The following TENM4 variants were observed in gnomAD, a reference collection of about 807,000 sequenced individuals.
The protein encoded by TENM4 is teneurin-4.
In TENM4, 82 loss-of-function variants were observed where a neutral mutation model predicts 243.3. The observed-to-expected ratio is 0.34, with a 90% CI of 0.28 to 0.40. The LOEUF is 0.40. TENM4 is among the 10% of genes least tolerant of loss of function. The pLI is 1.00. For synonymous variants in TENM4, 1,412 were observed against 1,456.3 expected, an observed-to-expected ratio of 0.97 and a Z score of 0.69; for missense variants, 3,138 against 3,673.3, an observed-to-expected ratio of 0.85 and a Z score of 3.77.
At chr11:79,208,799 C>G (rs1863898851) in intron 3 of TENM4, among the ~76,000 whole-genome samples, 1 of 152,220 alleles carries the variant, frequency 6.6e-6, no homozygotes, top group Admixed American at 6.5e-5. Flanking sequence ...TTTCTGCATA[C>G]TTGGCTTTTC....
At chr11:78,796,960 C>A (rs748984286) in intron 15 of TENM4, among the ~76,000 whole-genome samples, 18 of 152,210 alleles carry the variant, frequency 1.2e-4, no homozygotes, top group Non-Finnish European at 2.5e-4. Context: ...AGCAATTGTT[C>A]TTTTTCTGAA....
At chr11:79,154,855 C>T (rs1591319604) in intron 3 of TENM4, among the ~76,000 whole-genome samples, 2 of 152,158 alleles carry the variant, frequency 1.3e-5, no homozygotes, top group East Asian at 3.9e-4. Context: ...TGTATGTTGT[C>T]CACCGGGGTG....
At chr11:79,076,017 C>G (rs1860527788) in intron 4 of TENM4, among the ~76,000 whole-genome samples, 1 of 152,168 alleles carries the variant, frequency 6.6e-6, no homozygotes, top group African/African-American at 2.4e-5. Context: ...AAAGTATAAA[C>G]TGCAGTTTTA....
intron 4 of TENM4, among the ~76,000 whole-genome samples, chr11:79,128,257 C>T (rs1861923650): frequency 6.6e-6 from 1 of 152,192 alleles, no homozygotes; most frequent in African/African-American, 2.4e-5. Flanking sequence ...AGAGACAGCT[C>T]TTGGCCTGTT....
At chr11:79,139,695 T>A (rs1265935408) in intron 4 of TENM4, among the ~76,000 whole-genome samples, 1 of 101,734 alleles carries the variant, frequency 9.8e-6, no homozygotes, top group Non-Finnish European at 1.7e-5. Flanking sequence ...ATATAAAATA[T>A]ATATAATATT....
At chr11:78,818,688 G>A (rs1857660138) in intron 12 of TENM4, among the ~76,000 whole-genome samples, 1 of 152,142 alleles carries the variant, frequency 6.6e-6, no homozygotes, top group African/African-American at 2.4e-5. Flanking sequence ...GATATTCTTT[G>A]GCTTGGGAAA....
intron 6 of TENM4, among the ~76,000 whole-genome samples, chr11:79,047,166 T>G (rs1434375082): frequency 6.6e-6 from 1 of 152,186 alleles, no homozygotes; most frequent in African/African-American, 2.4e-5. Context: ...TAATGTAAAG[T>G]GGACCACTGA....
intron 28 of TENM4, among the ~76,000 whole-genome samples, chr11:78,694,604 G>T (rs1481559567): frequency 6.6e-6 from 1 of 152,144 alleles, no homozygotes; most frequent in East Asian, 1.9e-4. Context: ...CTGGCTTGGC[G>T]ACTCATGGCT....
chr11:79,201,494 T>G, intron 3 of TENM4, among the ~76,000 whole-genome samples: 1 of 61,478 alleles, frequency 1.6e-5, no homozygotes, highest in African/African-American at 7.3e-5. Context: ...AAAAGAGAAA[T>G]AACCAGGCAA....
At chr11:78,840,234 CT>C (rs534774066) in intron 12 of TENM4, among the ~76,000 whole-genome samples, 2 of 152,272 alleles carry the variant, frequency 1.3e-5, no homozygotes, top group Non-Finnish European at 2.9e-5. Context: ...TCACGTTAGC[CT>C]TCTGCTTTAG....
intron 4 of TENM4, among the ~76,000 whole-genome samples, chr11:79,136,793 G>A (rs1862118493): frequency 6.6e-6 from 1 of 152,146 alleles, no homozygotes; most frequent in South Asian, 2.1e-4. Context: ...TATGGCTAAA[G>A]AAGTGTGACA....
intron 12 of TENM4, among the ~76,000 whole-genome samples, chr11:78,847,065 G>C (rs546152022): frequency 6.6e-6 from 1 of 152,224 alleles, no homozygotes; most frequent in African/African-American, 2.4e-5. Flanking sequence ...TGCCTGACAT[G>C]CAGACATAAG....
chr11:79,106,380 C>A (rs1405766848), intron 4 of TENM4, among the ~76,000 whole-genome samples: 2 of 152,358 alleles, frequency 1.3e-5, no homozygotes, highest in East Asian at 3.9e-4. Context: ...CAGTCCCAGG[C>A]TGGGGTCCTT....
chr11:78,832,891 C>T (rs1294890346), intron 12 of TENM4, among the ~76,000 whole-genome samples: 6 of 152,320 alleles, frequency 3.9e-5, no homozygotes, highest in African/African-American at 9.6e-5. Context: ...ATCCTTAACT[C>T]GGATTATTCT....
At chr11:79,223,117 C>A (rs1399782062) in intron 2 of TENM4, among the ~76,000 whole-genome samples, 3 of 151,818 alleles carry the variant, frequency 2.0e-5, no homozygotes, top group African/African-American at 7.3e-5. Context: ...GCACATCCTG[C>A]ACATGTATCC....
chr11:78,959,736 C>T (rs1857277942), intron 6 of TENM4, among the ~76,000 whole-genome samples: 1 of 152,206 alleles, frequency 6.6e-6, no homozygotes, highest in Non-Finnish European at 1.5e-5. Flanking sequence ...GAGCAGACAG[C>T]TGCAGGCTAA....
intron 2 of TENM4, among the ~76,000 whole-genome samples, chr11:79,282,880 TA>T (rs1162709377): frequency 1.3e-5 from 2 of 151,940 alleles, no homozygotes; most frequent in Non-Finnish European, 2.9e-5. Flanking sequence ...GGGTCCCCAG[TA>T]TTAAGCACCT....
chr11:78,830,841 C>T (rs1410730986), intron 12 of TENM4, among the ~76,000 whole-genome samples: 1 of 152,190 alleles, frequency 6.6e-6, no homozygotes, highest in Non-Finnish European at 1.5e-5. Context: ...GAATATTTGA[C>T]CTCTCATTCA....
At chr11:79,424,415 A>C (rs1859003725) in intron 1 of TENM4, among the ~76,000 whole-genome samples, 2 of 152,208 alleles carry the variant, frequency 1.3e-5, no homozygotes, top group African/African-American at 4.8e-5. Flanking sequence ...CAGCCTGGAC[A>C]ACATGGCAAA....
Sources: allele counts gnomAD v4.1 joint callset (sites outside exome capture counted in the v4.1 genomes callset), GRCh38; gene constraint gnomAD v4.1.1; transcripts MANE v1.5; gene names NCBI Gene and HGNC (gene_info 2026-07-23, HGNC 2026-07-21).